Variants in PCDHGA8 observed in about 807,000 individuals in gnomAD.
PCDHGA8 encodes the protein protocadherin gamma subfamily A, 8.
In PCDHGA8, 45 loss-of-function variants were observed where a neutral mutation model predicts 59.2. The ratio of observed to expected loss-of-function variants is 0.76; its 90% CI spans 0.60 to 0.98. PCDHGA8 has a LOEUF of 0.98. Among genes scored for constraint, PCDHGA8 ranks in the 50% least tolerant of loss-of-function variants. The pLI is 0.00. For missense variants in PCDHGA8, 1,257 were observed against 1,196.2 expected (o/e 1.05, Z -0.75); for synonymous variants, 531 against 519.0 (o/e 1.02, Z -0.32).
chr5:141,431,438 C>A lies in PCDHGA8; in HGVS notation c.2424+36201C>A, dbSNP rs773812765. 6.2e-7 allele frequency: 1 copy of A among 1,613,612 alleles called. No homozygotes were observed. The highest frequency in any genetic ancestry group is 1.7e-5 in the Admixed American group (1 of 60,004). ...CGACCCGGTGCGCACAGGCACCGCG[C>A]GCATCCGCGTGATGGTTCTGGATGC... On this transcript the variant is annotated intron_variant, in intron 1 of 3. Coordinates refer to ENST00000398604, the MANE Select transcript of PCDHGA8 (RefSeq NM_032088.2). This position sits in a 1 kb window ranked among gnomAD's most constrained non-coding sequence, Gnocchi z 4.8.
At chr5:141,492,026 G>T in intron 1 of PCDHGA8, 1 of 567,198 alleles carries the variant, frequency 1.8e-6, no homozygotes, top group Non-Finnish European at 3.0e-6. Flanking sequence ...GGGGTCCCGG[G>T]AGGAGGCAGT....
chr5:141,400,462 G>T lies in PCDHGA8; in HGVS notation c.2424+5225G>T, dbSNP rs141917215. 2.3e-4 allele frequency: 379 copies of T among 1,614,062 alleles called. 2 individuals carry two copies. The African/African-American group carries it at 4.7e-3, about 20-fold the overall frequency. The stretch of plus-strand genomic sequence containing the variant: ...TTCAGGACAAGACATACTTTGTGGT[G>T]ATTCATCTGGGGCCTTATTTCCACT... On this transcript the variant is annotated intron_variant, in intron 1 of 3. Transcript: ENST00000398604.
At position 141,505,413 on chromosome 5, in the gene PCDHGA8, C is replaced by A; in HGVS notation, c.2504C>A (p.Thr835Asn). ...CCCAGCTCCCAAAATGGCGATGACACCGGCACCTGGCCCAACAACCAGTTT... is the reference window on the plus strand; with the variant it reads ...CCCAGCTCCCAAAATGGCGATGACAACGGCACCTGGCCCAACAACCAGTTT... ...GTSGSQNGDD[T>N]GTWPNNQFDT... Residue 835 changes from threonine to asparagine, a missense_variant, in exon 3 of 4, where the codon ACC becomes AAC. Physicochemically the swap from Thr to Asn is moderately conservative, Grantham distance 65 (BLOSUM62 0). Coordinates refer to ENST00000398604, the MANE Select transcript of PCDHGA8 (RefSeq NM_032088.2). 1 of 1,614,202 alleles carries A rather than the reference C, an allele frequency of 6.2e-7. No homozygotes were observed. Among genetic ancestry groups the A allele is most frequent in the Non-Finnish European group, 8.5e-7 (1 of 1,180,046 alleles).
rs2099699514 is a variant in PCDHGA8 at position 141,490,385 on chromosome 5, A to G, written c.2425-4422A>G. 1 of 1,614,190 alleles carries G rather than the reference A, an allele frequency of 6.2e-7. No individual in the cohort carries two copies. Among genetic ancestry groups the G allele is most frequent in the African/African-American group, 1.3e-5 (1 of 75,032 alleles). ...GTGCGAGACCGGGACTCAGGTAGAA[A>G]TGGTGAAGTGAGCCTTGATATCTCT... On this transcript the variant is annotated intron_variant, in intron 1 of 3. Coordinates refer to ENST00000398604, the MANE Select transcript of PCDHGA8 (RefSeq NM_032088.2). This position sits in a 1 kb window ranked among gnomAD's most constrained non-coding sequence, Gnocchi z 5.4.
intron 1 of PCDHGA8, among the ~76,000 whole-genome samples, chr5:141,425,440 A>G (rs1438530374): frequency 2.0e-5 from 3 of 152,248 alleles, no homozygotes; most frequent in Non-Finnish European, 4.4e-5. Flanking sequence ...GAGGATAAAA[A>G]TAAAACACCA....
rs2734872 is a variant in PCDHGA8 at position 141,474,454 on chromosome 5, C to T, written c.2425-20353C>T. On this transcript the variant is annotated intron_variant, in intron 1 of 3. Transcript: ENST00000398604. ...ACACTTTGAGTAGCAAGTGATTGGG[C>T]TATACTCTTTATTCTAAATTCTAAA... Among the ~76,000 whole-genome samples, 6 of 152,308 alleles carry T rather than the reference C, an allele frequency of 3.9e-5. No individual in the cohort carries two copies. The East Asian group carries it at 1.2e-3, about 29-fold the overall frequency.
intron 1 of PCDHGA8, chr5:141,427,864 A>G: frequency 6.4e-7 from 1 of 1,557,574 alleles, no homozygotes; most frequent in Non-Finnish European, 8.8e-7. Flanking sequence ...TGCGCCTTCG[A>G]GCTCACGATG....
chr5:141,408,358 G>C, intron 1 of PCDHGA8: 1 of 1,613,952 alleles, frequency 6.2e-7, no homozygotes, highest in South Asian at 1.1e-5. Context: ...ACCTCGCTAA[G>C]GATCTAGGGC....
intron 1 of PCDHGA8, among the ~76,000 whole-genome samples, chr5:141,430,253 T>G (rs2097270288): frequency 9.8e-6 from 1 of 102,050 alleles, no homozygotes; most frequent in Admixed American, 1.0e-4. Context: ...TAGGGAGACA[T>G]CTCCATAATA....
At chr5:141,422,887 C>T in intron 1 of PCDHGA8, 1 of 1,614,264 alleles carries the variant, frequency 6.2e-7, no homozygotes, top group Non-Finnish European at 8.5e-7. Context: ...CCTGTTCGTG[C>T]TGGACCAGAA....
chr5:141,503,763 T>C (rs1014883264), intron 2 of PCDHGA8, among the ~76,000 whole-genome samples: 1 of 152,174 alleles, frequency 6.6e-6, no homozygotes, highest in Non-Finnish European at 1.5e-5. Context: ...ATGGCAGCCT[T>C]GTGTCTGTTC....
chr5:141,478,414 C>T, intron 1 of PCDHGA8: 1 of 1,613,630 alleles, frequency 6.2e-7, no homozygotes, highest in Non-Finnish European at 8.5e-7. Context: ...CCACGGACTC[C>T]CGCCGCAGCG....
chr5:141,394,184 C>T lies in PCDHGA8; in HGVS notation c.1371C>T (p.Tyr457=), dbSNP rs1277537550. 6.2e-7 allele frequency: 1 copy of T among 1,613,944 alleles called. No individual in the cohort carries two copies. Among genetic ancestry groups the T allele is most frequent in the Non-Finnish European group, 8.5e-7 (1 of 1,179,866 alleles). ...CTCCTACTTTCCCTCATGCCTCCTA[C>T]TCAGCGTATATCCTAGAGAACAACC... ...DNPPTFPHAS[Y]SAYILENNLR... is the part of the protein sequence containing the mutation. The change falls in exon 1 of 4, where the codon TAC becomes TAT. Residue 457 remains tyrosine (Y), a synonymous_variant. Transcript: ENST00000398604.
At chr5:141,427,824 G>A (rs1298494092) in intron 1 of PCDHGA8, 5 of 1,535,458 alleles carry the variant, frequency 3.3e-6, no homozygotes, top group African/African-American at 1.4e-5. Flanking sequence ...GGTGGTGGTC[G>A]CGCAGCGTGC....
chr5:141,434,981 T>C (rs2097734526), intron 1 of PCDHGA8, among the ~76,000 whole-genome samples: 1 of 152,054 alleles, frequency 6.6e-6, no homozygotes. Flanking sequence ...GTTAATACTC[T>C]ATATCATTTT....
chr5:141,508,740 C>G (rs2099871405), intron 3 of PCDHGA8, among the ~76,000 whole-genome samples: 1 of 152,006 alleles, frequency 6.6e-6, no homozygotes. Flanking sequence ...CACCCCCCAC[C>G]CCGCTCTTTC....
At chr5:141,441,962 G>A in intron 1 of PCDHGA8, 1 of 313,768 alleles carries the variant, frequency 3.2e-6, no homozygotes, top group Admixed American at 4.1e-5. Context: ...AGCAAGCCCA[G>A]GCTCTTCAGC....
chr5:141,494,906 A>T, intron 2 of PCDHGA8, 41 bp downstream of exon 2: 1 of 1,613,800 alleles, frequency 6.2e-7, no homozygotes, highest in Non-Finnish European at 8.5e-7. Flanking sequence ...TCTCTGCGGC[A>T]TTTTCTCAGG....
Position 141,477,514 on chromosome 5 carries a change from T to G in PCDHGA8, c.2425-17293T>G. 1 of 1,614,114 alleles carries G rather than the reference T, an allele frequency of 6.2e-7. No individual in the cohort carries two copies. Among genetic ancestry groups the G allele is most frequent in the Non-Finnish European group, 8.5e-7 (1 of 1,180,026 alleles). On this transcript the variant is annotated intron_variant, in intron 1 of 3. Coordinates refer to ENST00000398604, the MANE Select transcript of PCDHGA8 (RefSeq NM_032088.2). The surrounding 1 kb of genome is among the most constrained non-coding windows in gnomAD (Gnocchi z 4.9). Reference sequence around the variant, plus strand: ...CTCAATCTTCCTACGACGTTTACATTGAAGAAAACAACCTCCCCGGGGCTC... The same window carrying G: ...CTCAATCTTCCTACGACGTTTACATGGAAGAAAACAACCTCCCCGGGGCTC...
Sources: gnomAD v4.1 joint callset for allele counts (sites outside exome capture counted in the v4.1 genomes callset) on GRCh38, gnomAD v4.1.1 for gene constraint, Gnocchi (gnomAD v3.1) non-coding constraint, MANE v1.5 for transcripts, NCBI Gene and HGNC (gene_info 2026-07-23, HGNC 2026-07-21) for gene names.